DGKB: variants seen among roughly 807,000 people sequenced by gnomAD.
DGKB encodes diacylglycerol kinase beta.
DGKB carries 67 observed loss-of-function variants against 114.3 expected under a neutral mutation model. The observed-to-expected ratio is 0.59, with a 90% CI of 0.48 to 0.72. The LOEUF (loss-of-function observed/expected upper bound fraction) is 0.72. DGKB is among the 30% of genes least tolerant of loss of function. The pLI is 0.00. For missense variants in DGKB, 907 were observed against 975.2 expected, an observed-to-expected ratio of 0.93 and a Z score of 0.93; for synonymous variants, 398 against 323.1, an observed-to-expected ratio of 1.23 and a Z score of -2.49.
chr7:14,547,194 A>G (rs1002510470), intron 20 of DGKB, among the ~76,000 whole-genome samples: 1 of 152,136 alleles, frequency 6.6e-6, no homozygotes, highest in South Asian at 2.1e-4. Context: ...TTTTGGCTCA[A>G]TATTGATTAC....
intron 12 of DGKB, among the ~76,000 whole-genome samples, chr7:14,675,488 C>A (rs927584133): frequency 3.3e-5 from 5 of 151,960 alleles, no homozygotes; most frequent in Admixed American, 6.6e-5. Flanking sequence ...TAGAATCATG[C>A]AATAGATGAG....
intron 25 of DGKB, among the ~76,000 whole-genome samples, chr7:14,150,349 G>A (rs1319920481): frequency 1.3e-5 from 2 of 152,098 alleles, no homozygotes; most frequent in Non-Finnish European, 2.9e-5. Flanking sequence ...ACATTTTCAA[G>A]TTAAAATGAA....
At chr7:14,784,471 G>A (rs1052849362) in intron 2 of DGKB, among the ~76,000 whole-genome samples, 1 of 151,288 alleles carries the variant, frequency 6.6e-6, no homozygotes, top group Non-Finnish European at 1.5e-5. Flanking sequence ...AGTTTCCCAG[G>A]TTCAAGCGAT....
At chr7:14,644,318 C>A (rs1230793082) in intron 13 of DGKB, among the ~76,000 whole-genome samples, 1 of 151,766 alleles carries the variant, frequency 6.6e-6, no homozygotes, top group Non-Finnish European at 1.5e-5. Flanking sequence ...ACATGACAAA[C>A]CAATAAAACA....
chr7:14,688,712 C>T (rs528600660), intron 9 of DGKB, among the ~76,000 whole-genome samples: 2 of 152,238 alleles, frequency 1.3e-5, no homozygotes, highest in East Asian at 3.9e-4. Context: ...ACATTTTCCC[C>T]AACTCTTAGT....
chr7:14,881,146 G>C (rs903451375), intron 1 of DGKB, among the ~76,000 whole-genome samples: 1 of 152,112 alleles, frequency 6.6e-6, no homozygotes, highest in African/African-American at 2.4e-5. Context: ...GCTACCAAAT[G>C]TTTTAAAATT....
chr7:14,372,823 T>C (rs934273395), intron 21 of DGKB, among the ~76,000 whole-genome samples: 3 of 152,196 alleles, frequency 2.0e-5, no homozygotes, highest in African/African-American at 7.2e-5. Context: ...GTTTATCCAT[T>C]GAATCTGCCC....
chr7:14,489,091 CTAAGATGA>C (rs1193242477), intron 20 of DGKB, among the ~76,000 whole-genome samples: 2 of 149,496 alleles, frequency 1.3e-5, no homozygotes, highest in South Asian at 2.1e-4. Flanking sequence ...AAAATCTTTA[CTAAGATGA>C]TCATAGGCCT....
At chr7:14,343,940 TATATATAACTAA>T (rs11270043) in intron 22 of DGKB, among the ~76,000 whole-genome samples, 3,028 of 147,480 alleles carry the variant, frequency 0.021, 92 homozygotes, top group African/African-American at 0.071. Flanking sequence ...TTATATATAA[TATATATAACTAA>T]ATATATAACT....
chr7:14,815,831 T>G (rs1318643662), intron 2 of DGKB, among the ~76,000 whole-genome samples: 1 of 152,180 alleles, frequency 6.6e-6, no homozygotes, highest in Non-Finnish European at 1.5e-5. Context: ...AAGAACACAT[T>G]GCTGGGAACA....
chr7:14,415,300 A>T, intron 21 of DGKB, among the ~76,000 whole-genome samples: 1 of 151,952 alleles, frequency 6.6e-6, no homozygotes, highest in East Asian at 1.9e-4. Flanking sequence ...TAAAAGCTTT[A>T]GTGTACATGT....
intron 2 of DGKB, among the ~76,000 whole-genome samples, chr7:14,787,415 T>G (rs191689585): frequency 6.6e-6 from 1 of 152,194 alleles, no homozygotes; most frequent in Non-Finnish European, 1.5e-5. Context: ...TAAAACACTA[T>G]GTATCTTTTA....
chr7:14,831,866 G>A (rs1846460033), intron 2 of DGKB, among the ~76,000 whole-genome samples: 1 of 151,848 alleles, frequency 6.6e-6, no homozygotes, highest in African/African-American at 2.4e-5. Context: ...GTTCCAAGAG[G>A]TAAAAGAAGA....
At chr7:14,575,228 A>T (rs905907565) in intron 19 of DGKB, among the ~76,000 whole-genome samples, 3 of 152,216 alleles carry the variant, frequency 2.0e-5, no homozygotes, top group African/African-American at 7.2e-5. Flanking sequence ...AGTCCGCTAT[A>T]CGCAGTTCTC....
chr7:14,691,310 A>G (rs1224018508), intron 9 of DGKB, among the ~76,000 whole-genome samples: 1 of 152,224 alleles, frequency 6.6e-6, no homozygotes, highest in Non-Finnish European at 1.5e-5. Flanking sequence ...CCCCGAGCTC[A>G]TAATTGACAA....
chr7:14,203,607 A>G (rs1036759679), intron 23 of DGKB, among the ~76,000 whole-genome samples: 4 of 152,038 alleles, frequency 2.6e-5, no homozygotes. Context: ...TGTATAATGC[A>G]TAACTGAAGG....
intron 23 of DGKB, among the ~76,000 whole-genome samples, chr7:14,287,016 G>T (rs1214265417): frequency 6.6e-6 from 1 of 151,942 alleles, no homozygotes; most frequent in Non-Finnish European, 1.5e-5. Context: ...GTTATTTTTG[G>T]TGTATGTGGG....
intron 5 of DGKB, among the ~76,000 whole-genome samples, chr7:14,719,885 T>C (rs1271370163): frequency 6.6e-6 from 1 of 152,130 alleles, no homozygotes; most frequent in Non-Finnish European, 1.5e-5. Context: ...TCTCACATTA[T>C]TCTTACGTGA....
Position 14,672,947 on chromosome 7 carries a change from T to A in DGKB, c.1116A>T (p.Thr372=), listed in dbSNP as rs779318832. 6.4e-7 allele frequency: 1 copy of A among 1,569,674 alleles called. No homozygotes were observed. ...AACTCACCAGTACCACTGGACAGAT[T>A]GTTGTGGGTGGTAAAATATGGTCCT... ...PLKDHILPPT[T]ICPVVLTLPT... The change falls in exon 13 of 26, where the codon ACA becomes ACT. Residue 372 remains threonine, a synonymous_variant. Transcript: ENST00000402815.
Sources: gnomAD v4.1 joint callset for allele counts (sites outside exome capture counted in the v4.1 genomes callset) on GRCh38, gnomAD v4.1.1 for gene constraint, MANE v1.5 for transcripts, NCBI Gene and HGNC (gene_info 2026-07-23, HGNC 2026-07-21) for gene names.